The following DDX17 variants were observed in gnomAD, a reference collection of about 807,000 sequenced individuals.
DDX17 encodes the protein probable ATP-dependent RNA helicase DDX17.
Under a neutral mutation model 80.8 loss-of-function variants are expected in DDX17, and 10 were observed. The observed-to-expected ratio is 0.12, with a 90% CI of 0.08 to 0.21. The LOEUF (loss-of-function observed/expected upper bound fraction) is 0.21, where lower values mean the gene tolerates loss of function less well. Ranked by LOEUF, DDX17 falls within the 10% of genes least tolerant of loss-of-function variation. DDX17 has a pLI of 1.00. For missense variants in DDX17, 586 were observed against 957.4 expected, an observed-to-expected ratio of 0.61 and a Z score of 5.12; for synonymous variants, 339 against 336.2, an observed-to-expected ratio of 1.01 and a Z score of -0.09.
At chr22:38,492,947 G>A (rs2089727475) in intron 10 of DDX17, among the ~76,000 whole-genome samples, 1 of 152,008 alleles carries the variant, frequency 6.6e-6, no homozygotes, top group South Asian at 2.1e-4. Context: ...CTCCCCAAAC[G>A]GTAGTTATAT....
intron 1 of DDX17, 148 bp from the exon 2 acceptor site, chr22:38,501,428 T>C (rs1383531864): frequency 1.0e-6 from 1 of 993,690 alleles, no homozygotes; most frequent in East Asian, 2.8e-5. Flanking sequence ...TTTAAAGGTA[T>C]GGAGAAATGT....
In DDX17 at chr22:38,492,098, C is replaced by A. The variant is rs1228194861; in HGVS notation, c.1405G>T (p.Ala469Ser). 2.5e-6 allele frequency: 4 copies of A among 1,611,708 alleles called. No individual in the cohort carries two copies. Residue 469 changes from alanine to serine, a missense_variant, in exon 11 of 13, where the codon GCA (alanine) becomes TCA (serine). Ala to Ser is a moderately conservative substitution (Grantham distance 99). Around this residue, in one of 4 missense-constraint regions of DDX17, gnomAD observed 141 missense variants for 379.3 expected, o/e 0.37. Transcript: ENST00000403230. Reference sequence around the variant, plus strand: ...ACATCTGTAGCAATAAGGATGGGTGCCTTTCCAGAACGGAACTCTGTAAAA... The same window carrying A: ...ACATCTGTAGCAATAAGGATGGGTGACTTTCCAGAACGGAACTCTGTAAAA...
At chr22:38,488,567 A>G in intron 11 of DDX17, 1 of 995,816 alleles carries the variant, frequency 1.0e-6, no homozygotes, top group African/African-American at 1.7e-5. Context: ...CCAACAACAT[A>G]ACAAACTTAC....
At chr22:38,497,567 G>A (rs936552061) in intron 5 of DDX17, among the ~76,000 whole-genome samples, 9 of 138,314 alleles carry the variant, frequency 6.5e-5, no homozygotes, top group Non-Finnish European at 1.4e-4. Context: ...GCAGTGAGCT[G>A]AGATCTCGCT....
At chr22:38,495,708 C>T in intron 6 of DDX17, 88 bp downstream of exon 6, 2 of 1,175,838 alleles carry the variant, frequency 1.7e-6, no homozygotes, top group Non-Finnish European at 2.3e-6. Context: ...GAGTTTATCA[C>T]AAGAACCCAC....
In DDX17 at chr22:38,499,455, C is replaced by G. The variant is rs146518587; in HGVS notation, c.483G>C (p.Arg161Ser). The G allele has an allele frequency of 2.5e-6, 4 of 1,614,144 alleles. No homozygotes were observed. The highest frequency in any genetic ancestry group is 2.5e-6 in the Non-Finnish European group (3 of 1,180,008). ...CGGGTTTAGGACAAACATCTCCCCC[C>G]CTCACTGTAATCTCCTTCTTTCGGC... is the stretch of plus-strand genomic sequence containing the variant. The change falls in exon 3 of 13, where the codon AGG becomes AGC. Residue 161 changes from arginine (R) to serine (S), a missense_variant. By Grantham distance (110) the Arg-to-Ser change is moderately radical. This residue lies in a region of DDX17 where 215 missense variants were observed against 238.4 expected (regional missense o/e 0.90). Transcript: ENST00000403230.
At chr22:38,491,319 G>A (rs1235341371) in intron 11 of DDX17, 1 of 152,174 alleles carries the variant, frequency 6.6e-6, no homozygotes, top group African/African-American at 2.4e-5. Flanking sequence ...GGATTTCCTT[G>A]TAATACAAAT....
chr22:38,495,111 C>T, intron 6 of DDX17, 65 bp from the exon 7 acceptor site: 2 of 1,518,050 alleles, frequency 1.3e-6, no homozygotes, highest in Non-Finnish European at 1.8e-6. Context: ...TGTGTTCTAG[C>T]ACTTTGGGAA....
At chr22:38,488,327 G>A (rs2089682058) in intron 11 of DDX17, 1 of 1,439,672 alleles carries the variant, frequency 6.9e-7, no homozygotes. Context: ...ATAGGAAATA[G>A]GATCTTTATT....
rs755735150 is a variant in DDX17, at chr22:38,486,100, A to C, written c.2025T>G (p.Ser675=). 1.2e-6 allele frequency: 2 copies of C among 1,614,162 alleles called. No homozygotes were observed. The highest frequency in any genetic ancestry group is 1.1e-5 in the South Asian group (1 of 91,076). Residue 675 remains serine (S), a synonymous_variant, in exon 13 of 13, where the codon TCT becomes TCG. Transcript: ENST00000403230. ...GGCCTATCCCACTAAACTGCTGGCT[A>C]GAGCTCTGTGAACTTCTCCCAGTTG...
At chr22:38,500,572 G>A (rs961897654) in intron 2 of DDX17, among the ~76,000 whole-genome samples, 1 of 151,934 alleles carries the variant, frequency 6.6e-6, no homozygotes, top group Non-Finnish European at 1.5e-5. Context: ...ACTTTGAGAG[G>A]CTGAGGCAGG....
chr22:38,495,142 T>C lies in DDX17; in HGVS notation c.881-96A>G, dbSNP rs1344270367. ...GGGAAGAGGAGGCGGGAAGATCGCT[T>C]GAGGCCAGTTCACAACCAGCCTGGT... On this transcript the variant is annotated intron_variant, in intron 6 of 12. Coordinates refer to ENST00000403230, the MANE Select transcript of DDX17 (RefSeq NM_006386.5). The C allele has an allele frequency of 5.6e-6, 7 of 1,254,686 alleles. No homozygotes were observed. In the East Asian group the frequency reaches 1.5e-4, roughly 27 times the overall value. The allele number at this position is 1,254,686 out of a possible 1,614,324, so 77.7% of individuals were successfully genotyped here.
At position 38,485,149 on chromosome 22, in the gene DDX17, G is replaced by C. The variant is rs745056; in HGVS notation, c.*786C>G. The C allele has an allele frequency of 6.6e-6, 1 of 152,202 alleles. No homozygotes were observed. Among genetic ancestry groups the C allele is most frequent in the Non-Finnish European group, 1.5e-5 (1 of 68,042 alleles). 9.4% of individuals were successfully genotyped at this position (152,202 alleles called of 1,614,324 possible). A position where few individuals can be genotyped will look rare whatever the true frequency, so the allele number is the denominator to read the frequency against. On this transcript the variant is annotated 3_prime_UTR_variant, in exon 13 of 13. Transcript: ENST00000403230. Reference sequence around the variant, plus strand: ...AGATGGTCCCCAGTTAAACTGGGAAGAAATATAGGCAGCTTCCACCCAGAT... The same window carrying C: ...AGATGGTCCCCAGTTAAACTGGGAACAAATATAGGCAGCTTCCACCCAGAT...
intron 2 of DDX17, among the ~76,000 whole-genome samples, chr22:38,499,904 C>T (rs1390625502): frequency 6.6e-6 from 1 of 152,084 alleles, no homozygotes; most frequent in Non-Finnish European, 1.5e-5. Context: ...GTGGCTCCCA[C>T]CTGTAATCCC....
At chr22:38,504,061 C>T (rs556145817) in intron 1 of DDX17, among the ~76,000 whole-genome samples, 11 of 152,282 alleles carry the variant, frequency 7.2e-5, no homozygotes, top group African/African-American at 2.2e-4. Flanking sequence ...AAACCAAACA[C>T]CAATGGTAAA....
chr22:38,499,693 G>A (rs1287757769), intron 2 of DDX17, among the ~76,000 whole-genome samples, 194 bp from the exon 3 acceptor site: 2 of 152,110 alleles, frequency 1.3e-5, no homozygotes, highest in East Asian at 3.8e-4. Context: ...TAATGATGTA[G>A]GTGATTAAGA....
chr22:38,492,285 T>C (rs374438467), intron 10 of DDX17, among the ~76,000 whole-genome samples, 170 bp from the exon 11 acceptor site: 6 of 152,216 alleles, frequency 3.9e-5, no homozygotes, highest in Non-Finnish European at 8.8e-5. Context: ...AGCAGCACAA[T>C]AGTTACCTCT....
chr22:38,488,372 T>G (rs748971487), intron 11 of DDX17: 27 of 1,355,116 alleles, frequency 2.0e-5, no homozygotes, highest in Non-Finnish European at 2.4e-5. Flanking sequence ...CATCCAAACA[T>G]CCAAACTCCT....
At chr22:38,491,763 TC>T (rs1416203942) in intron 11 of DDX17, 1 of 303,322 alleles carries the variant, frequency 3.3e-6, no homozygotes, top group African/African-American at 2.2e-5. Flanking sequence ...GCTGTCTGTC[TC>T]CTCTCCCTCT....
Sources: gnomAD v4.1 joint callset for allele counts (sites outside exome capture counted in the v4.1 genomes callset) on GRCh38, gnomAD v4.1.1 for gene constraint, gnomAD v4.1.1 regional missense constraint, MANE v1.5 for transcripts, NCBI Gene and HGNC (gene_info 2026-07-23, HGNC 2026-07-21) for gene names.